Variants in LSAMP observed in about 807,000 individuals in gnomAD.
The protein encoded by LSAMP is limbic system-associated membrane protein.
A neutral mutation model predicts 38.6 loss-of-function variants in LSAMP; 7 were observed. The ratio of observed to expected loss-of-function variants is 0.18; its 90% confidence interval spans 0.10 to 0.34. The LOEUF (loss-of-function observed/expected upper bound fraction) is 0.34, where lower values mean the gene tolerates loss of function less well. Ranked by LOEUF, LSAMP falls within the 10% of genes least tolerant of loss-of-function variation. The pLI is 1.00. For synonymous variants in LSAMP, 154 were observed against 166.8 expected (o/e 0.92, Z 0.59); for missense variants, 313 against 420.0 (o/e 0.75, Z 2.23).
intron 1 of LSAMP, among the ~76,000 whole-genome samples, chr3:116,164,461 A>C (rs1300186051): frequency 6.7e-6 from 1 of 149,032 alleles, no homozygotes; most frequent in African/African-American, 2.5e-5. Flanking sequence ...AATGGCAAAA[A>C]CCACAAGTAC....
At chr3:116,288,580 G>A (rs1305291825) in intron 1 of LSAMP, among the ~76,000 whole-genome samples, 1 of 152,168 alleles carries the variant, frequency 6.6e-6, no homozygotes, top group East Asian at 1.9e-4. Context: ...CATTTATGCT[G>A]TTCTCTCCCT....
intron 1 of LSAMP, among the ~76,000 whole-genome samples, chr3:116,343,622 C>T (rs1430621281): frequency 6.6e-6 from 1 of 152,080 alleles, no homozygotes; most frequent in African/African-American, 2.4e-5. Context: ...ATGATAGATT[C>T]AGGTCATTCC....
intron 3 of LSAMP, among the ~76,000 whole-genome samples, chr3:115,939,233 T>C (rs1381639919): frequency 1.3e-5 from 2 of 152,118 alleles, no homozygotes; most frequent in Non-Finnish European, 1.5e-5. Context: ...CCAGTCTTAG[T>C]TTCCCCATCT....
In LSAMP at chr3:116,191,729, C is replaced by G. The variant is rs571766461; in HGVS notation, c.156-105173G>C. Among the ~76,000 whole-genome samples the G allele has an allele frequency of 9.2e-4, 140 of 151,740 alleles. 1 individual carries two copies. Among genetic ancestry groups the G allele is most frequent in the Non-Finnish European group, 1.8e-3 (120 of 67,988 alleles). On this transcript the variant is annotated intron_variant, in intron 1 of 6. Transcript: ENST00000490035. ...TCAACATTCCTGCATGGTATTCCTG[C>G]AATTAGCCAATGACTTATTTCAGGA...
At chr3:115,846,232 T>C (rs1172926846) in intron 4 of LSAMP, among the ~76,000 whole-genome samples, 4 of 152,208 alleles carry the variant, frequency 2.6e-5, no homozygotes, top group Non-Finnish European at 4.4e-5. Flanking sequence ...TGTTATTCTT[T>C]ATGTGACTTT....
chr3:116,200,293 G>T (rs1430736258), intron 1 of LSAMP, among the ~76,000 whole-genome samples: 1 of 152,166 alleles, frequency 6.6e-6, no homozygotes, highest in African/African-American at 2.4e-5. Context: ...ATAATAACTG[G>T]CAAGCTATAA....
intron 1 of LSAMP, among the ~76,000 whole-genome samples, chr3:116,297,834 G>GA (rs1302572245): frequency 6.6e-6 from 1 of 152,164 alleles, no homozygotes; most frequent in Non-Finnish European, 1.5e-5. Context: ...TAGGATGAGT[G>GA]AAAAAACACA....
At chr3:116,071,343 T>G (rs1300130101) in intron 2 of LSAMP, among the ~76,000 whole-genome samples, 1 of 151,106 alleles carries the variant, frequency 6.6e-6, no homozygotes, top group Non-Finnish European at 1.5e-5. Context: ...GGGTTTTTTT[T>G]TTTTTAACAA....
chr3:116,318,791 T>TA (rs2047668528), intron 1 of LSAMP, among the ~76,000 whole-genome samples: 1 of 152,210 alleles, frequency 6.6e-6, no homozygotes, highest in Admixed American at 6.5e-5. Flanking sequence ...TTTTGGATGA[T>TA]AAAGCTAATT....
At chr3:116,150,594 A>C (rs1409910290) in intron 1 of LSAMP, among the ~76,000 whole-genome samples, 8 of 151,976 alleles carry the variant, frequency 5.3e-5, no homozygotes, top group Admixed American at 5.3e-4. Context: ...AGAGTGGGGA[A>C]AAGGAGTTGA....
chr3:116,179,976 T>G (rs1266573903), intron 1 of LSAMP, among the ~76,000 whole-genome samples: 2 of 152,228 alleles, frequency 1.3e-5, no homozygotes, highest in African/African-American at 4.8e-5. Flanking sequence ...GTAGTATTTG[T>G]TCTAAGTACT....
intron 6 of LSAMP, among the ~76,000 whole-genome samples, chr3:115,840,616 C>G (rs1018201447): frequency 6.6e-6 from 1 of 152,096 alleles, no homozygotes; most frequent in East Asian, 1.9e-4. Flanking sequence ...AACTAAAGGC[C>G]GAAGTTAGAG....
chr3:115,932,694 C>T (rs916258787), intron 3 of LSAMP, among the ~76,000 whole-genome samples: 7 of 152,190 alleles, frequency 4.6e-5, no homozygotes, highest in Admixed American at 4.6e-4. Context: ...TCTTGACTAT[C>T]TCTAGTTATT....
intron 3 of LSAMP, among the ~76,000 whole-genome samples, chr3:115,991,804 C>T (rs995132938): frequency 1.3e-5 from 2 of 152,102 alleles, no homozygotes; most frequent in Non-Finnish European, 2.9e-5. Flanking sequence ...AGCAATGCCA[C>T]GGACTGCACT....
At chr3:115,979,616 G>A (rs2107624726) in intron 3 of LSAMP, among the ~76,000 whole-genome samples, 2 of 152,166 alleles carry the variant, frequency 1.3e-5, no homozygotes, top group South Asian at 2.1e-4. Context: ...TTAGAACATA[G>A]TTTCTTCATG....
intron 1 of LSAMP, among the ~76,000 whole-genome samples, chr3:116,261,975 G>A (rs1042983616): frequency 6.6e-6 from 1 of 151,080 alleles, no homozygotes; most frequent in Non-Finnish European, 1.5e-5. Context: ...GTTGAGCAAG[G>A]GTTTTTATAC....
intron 3 of LSAMP, among the ~76,000 whole-genome samples, chr3:115,861,643 C>A (rs1935705877): frequency 6.6e-6 from 1 of 152,148 alleles, no homozygotes; most frequent in African/African-American, 2.4e-5. Flanking sequence ...AGGTTGGAAG[C>A]TAATGACTTC....
intron 1 of LSAMP, among the ~76,000 whole-genome samples, chr3:116,444,038 A>G (rs2049470484): frequency 1.3e-5 from 2 of 152,142 alleles, no homozygotes; most frequent in South Asian, 2.1e-4. Flanking sequence ...TTCAATCTCA[A>G]ATTATTTTAG....
chr3:116,125,565 A>C (rs924280074), intron 1 of LSAMP, among the ~76,000 whole-genome samples: 1 of 151,948 alleles, frequency 6.6e-6, no homozygotes, highest in African/African-American at 2.4e-5. Context: ...ACTTCCCTCA[A>C]CTTGACTGTC....
Sources: allele counts gnomAD v4.1 joint callset (sites outside exome capture counted in the v4.1 genomes callset), GRCh38; gene constraint gnomAD v4.1.1; transcripts MANE v1.5; gene names NCBI Gene and HGNC (gene_info 2026-07-23, HGNC 2026-07-21).